WNK1: variants seen among roughly 807,000 people sequenced by gnomAD.
The protein encoded by WNK1 is serine/threonine-protein kinase WNK1.
In WNK1, 38 loss-of-function variants were observed where a neutral mutation model predicts 222.8. That is an observed-to-expected ratio of 0.17 (90% CI 0.13 to 0.22). WNK1 has a LOEUF of 0.22. Ranked by LOEUF, WNK1 falls within the 10% of genes least tolerant of loss-of-function variation. WNK1 has a pLI of 1.00. For missense variants in WNK1, 2,348 were observed against 2,918.4 expected (o/e 0.80, Z 4.50); for synonymous variants, 1,090 against 1,092.9 (o/e 1.00, Z 0.05).
intron 1 of WNK1, among the ~76,000 whole-genome samples, chr12:762,788 C>T (rs894323853): frequency 8.2e-5 from 12 of 146,712 alleles, no homozygotes; most frequent in Admixed American, 8.1e-4. Flanking sequence ...ACTCTTGTTG[C>T]CCAGCTGGAG....
intron 6 of WNK1, 133 bp downstream of exon 6, chr12:859,597 G>T: frequency 1.8e-6 from 1 of 560,264 alleles, no homozygotes. Flanking sequence ...GGCCCTAAAA[G>T]TTATCTTTGA....
Position 882,030 on chromosome 12 carries a change from C to G in WNK1, c.3329C>G (p.Ser1110Cys). 1.2e-6 allele frequency: 2 copies of G among 1,614,002 alleles called. No individual in the cohort carries two copies. The highest frequency in any genetic ancestry group is 1.7e-6 in the Non-Finnish European group (2 of 1,179,986). ...TACCGAAAATCTGTAAGGAGTCGCT[C>G]TCGACATGAAAAAACTTCACGCCCA... ...RHYRKSVRSR[S>C]RHEKTSRPKL... Residue 1110 changes from serine (S) to cysteine (C), a missense_variant, in exon 14 of 28, where the codon TCT (serine) becomes TGT (cysteine). By Grantham distance (112) the Ser-to-Cys change is moderately radical (BLOSUM62 -1). Transcript: ENST00000315939.
chr12:886,197 T>G, intron 19 of WNK1, 113 bp downstream of exon 19: 251 of 843,492 alleles, frequency 3.0e-4, no homozygotes, highest in Non-Finnish European at 3.7e-4. Flanking sequence ...TAAAGGTACC[T>G]GGCTTATAGT....
intron 22 of WNK1, among the ~76,000 whole-genome samples, chr12:891,940 A>G (rs941133261): frequency 1.3e-5 from 2 of 151,736 alleles, no homozygotes; most frequent in Admixed American, 6.6e-5. Context: ...AAAAAAAATC[A>G]TGCATGAACA....
At chr12:855,783 G>A (rs114134898) in intron 4 of WNK1, among the ~76,000 whole-genome samples, 2 of 152,118 alleles carry the variant, frequency 1.3e-5, no homozygotes, top group African/African-American at 4.8e-5. Context: ...TTAGACAGTA[G>A]CATTTTGTTC....
At chr12:889,773 T>C (rs1171961416) in intron 21 of WNK1, among the ~76,000 whole-genome samples, 2 of 152,082 alleles carry the variant, frequency 1.3e-5, no homozygotes, top group East Asian at 3.8e-4. Flanking sequence ...GAGCCGAGAT[T>C]GCACCACTGC....
Position 753,375 on chromosome 12 carries a change from C to T in WNK1, c.-191C>T. 2 of 724,798 alleles carry T rather than the reference C, an allele frequency of 2.8e-6. No homozygotes were observed. Among genetic ancestry groups the T allele is most frequent in the South Asian group, 1.9e-5 (1 of 53,174 alleles). The allele number at this position is 724,798 out of a possible 1,614,324, so 44.9% of individuals were successfully genotyped here. A position where few individuals can be genotyped will look rare whatever the true frequency, so the allele number is the denominator to read the frequency against. On this transcript the variant is annotated 5_prime_UTR_variant, in exon 1 of 28. Coordinates refer to ENST00000315939, the MANE Select transcript of WNK1 (RefSeq NM_018979.4). The surrounding 1 kb of genome is among the most constrained non-coding windows in gnomAD (Gnocchi z 5.2). ...GCCGCAGCAGCCTCGGTGCCAGCCC[C>T]CGCCGCAGCTGGGCCCAGCGGTCCG...
In WNK1 at chr12:827,099, G is replaced by T; in HGVS notation, c.990G>T (p.Gln330His). 6.2e-7 allele frequency: 1 copy of T among 1,614,154 alleles called. No homozygotes were observed. Among genetic ancestry groups the T allele is most frequent in the Non-Finnish European group, 8.5e-7 (1 of 1,180,042 alleles). ...KIKVLRSWCR[Q>H]ILKGLQFLHT... ...AAGTTCTAAGAAGCTGGTGCCGTCA[G>T]ATCCTTAAAGGTCTTCAGTTTCTTC... is the stretch of plus-strand genomic sequence containing the variant. Residue 330 changes from glutamine (Q) to histidine (H), a missense_variant, in exon 3 of 28, where the codon CAG becomes CAT. Coordinates refer to ENST00000315939, the MANE Select transcript of WNK1 (RefSeq NM_018979.4). This position sits in a 1 kb window ranked among gnomAD's most constrained non-coding sequence, Gnocchi z 4.6.
At position 868,467 on chromosome 12, in the gene WNK1, TA is replaced by T. The variant is rs750907088; in HGVS notation, c.2140-2796del. ...TTCCTGGTAGGACACCTTCAGAATC[TA>T]AGATTAGATTCTGGATTGGGTCCGG... is the stretch of plus-strand genomic sequence containing the variant. On this transcript the variant is annotated intron_variant, in intron 8 of 27. Transcript: ENST00000315939. The T allele has an allele frequency of 1.1e-5, 17 of 1,613,866 alleles. No homozygotes were observed. Among genetic ancestry groups the T allele is most frequent in the Non-Finnish European group, 1.4e-5 (16 of 1,179,886 alleles).
intron 8 of WNK1, chr12:868,289 G>A: frequency 2.5e-6 from 4 of 1,606,540 alleles, no homozygotes; most frequent in African/African-American, 1.3e-5. Context: ...TGTAGCTGGG[G>A]TACATTACCA....
In WNK1 at chr12:753,834, C is replaced by T; in HGVS notation, c.269C>T (p.Ala90Val). Residue 90 changes from alanine to valine, a missense_variant, in exon 1 of 28, where the codon GCC becomes GTC. By Grantham distance (64) the Ala-to-Val change is moderately conservative. Transcript: ENST00000315939. The surrounding 1 kb of genome is among the most constrained non-coding windows in gnomAD (Gnocchi z 5.2). ...CGGAGCGTCATCTGTGACTCCAATGCCACTGCACTGGAGCTTCCCGGCCTT... is the reference window on the plus strand; with the variant it reads ...CGGAGCGTCATCTGTGACTCCAATGTCACTGCACTGGAGCTTCCCGGCCTT... ...FRRSVICDSN[A>V]TALELPGLPL... 1 of 1,612,764 alleles carries T rather than the reference C, an allele frequency of 6.2e-7. No homozygotes were observed. Among genetic ancestry groups the T allele is most frequent in the East Asian group, 2.2e-5 (1 of 44,874 alleles).
chr12:854,187 G>C (rs1453092883), intron 4 of WNK1, among the ~76,000 whole-genome samples: 3 of 151,774 alleles, frequency 2.0e-5, no homozygotes, highest in African/African-American at 7.2e-5. Flanking sequence ...GGGGAACATA[G>C]CAAGACTTTG....
intron 10 of WNK1, 60 bp from the exon 11 acceptor site, chr12:879,513 C>CTTTTTTTTTTT: frequency 5.0e-6 from 2 of 403,026 alleles, no homozygotes; most frequent in South Asian, 3.0e-5. Flanking sequence ...GGCAGCCTTG[C>CTTTTTTTTTTT]TTTTTTTTTT....
At chr12:843,703 A>G (rs867702615) in intron 4 of WNK1, among the ~76,000 whole-genome samples, 19 of 152,360 alleles carry the variant, frequency 1.2e-4, no homozygotes, top group South Asian at 8.3e-4. Flanking sequence ...CACACCTTTG[A>G]GAACCACAGT....
Position 911,256 on chromosome 12 carries a change from T to G in WNK1, c.*2464T>G. The G allele has an allele frequency of 2.5e-6, 1 of 398,600 alleles. No individual in the cohort carries two copies. The highest frequency in any genetic ancestry group is 4.4e-6 in the Non-Finnish European group (1 of 226,050). 24.7% of individuals were successfully genotyped at this position (398,600 alleles called of 1,614,324 possible). A position where few individuals can be genotyped will look rare whatever the true frequency, so the allele number is the denominator to read the frequency against. On this transcript the variant is annotated 3_prime_UTR_variant, in exon 28 of 28. Transcript: ENST00000315939. ...CTGAATTATAAATGTTTTCCTTACA[T>G]TATTTAACAATGTACACTGTTAAAA...
intron 26 of WNK1, among the ~76,000 whole-genome samples, chr12:906,980 G>A (rs1023427295): frequency 2.2e-5 from 3 of 135,436 alleles, no homozygotes; most frequent in Admixed American, 8.3e-5. Flanking sequence ...TGATTGTGCC[G>A]CTGTATCCAG....
chr12:782,670 A>AATTTTTAT (rs1364825652), intron 1 of WNK1, among the ~76,000 whole-genome samples: 1 of 151,876 alleles, frequency 6.6e-6, no homozygotes, highest in Non-Finnish European at 1.5e-5. Context: ...ACGCCCAGCT[A>AATTTTTAT]ATTTTTATAT....
At chr12:806,363 T>G (rs1329421231) in intron 1 of WNK1, among the ~76,000 whole-genome samples, 1 of 152,218 alleles carries the variant, frequency 6.6e-6, no homozygotes, top group Admixed American at 6.5e-5. Flanking sequence ...AATTTGGATT[T>G]GATGTAATGG....
chr12:787,608 T>A (rs1944433797), intron 1 of WNK1, among the ~76,000 whole-genome samples: 1 of 152,234 alleles, frequency 6.6e-6, no homozygotes, highest in South Asian at 2.1e-4. Context: ...TTAACCTATA[T>A]TAGCTTTCTG....
Sources: allele counts gnomAD v4.1 joint callset (sites outside exome capture counted in the v4.1 genomes callset), GRCh38; gene constraint gnomAD v4.1.1; non-coding constraint Gnocchi (gnomAD v3.1); transcripts MANE v1.5; gene names NCBI Gene and HGNC (gene_info 2026-07-23, HGNC 2026-07-21).